CD200R1L: variants seen among roughly 807,000 people sequenced by gnomAD.
The protein encoded by CD200R1L is CD200 receptor 1 like.
In CD200R1L, 14 loss-of-function variants were observed where a neutral mutation model predicts 24.8. That is an observed-to-expected ratio of 0.56 (90% CI 0.37 to 0.88). CD200R1L has a LOEUF of 0.88. CD200R1L is among the 40% of genes least tolerant of loss of function. The probability of loss-of-function intolerance (pLI) is 0.00; values close to 1 mark genes in which losing one functional copy is unlikely to be tolerated. For synonymous variants in CD200R1L, 111 were observed against 109.2 expected, an observed-to-expected ratio of 1.02 and a Z score of -0.11; for missense variants, 299 against 297.8, an observed-to-expected ratio of 1.00 and a Z score of -0.03.
At chr3:112,843,523 C>T (rs1289134294) in intron 2 of CD200R1L, among the ~76,000 whole-genome samples, 7 of 152,222 alleles carry the variant, frequency 4.6e-5, no homozygotes, top group Non-Finnish European at 1.0e-4. Context: ...TAAGAGAATT[C>T]ATTGCCACTA....
At chr3:112,819,978 T>A (rs1376712297) in intron 6 of CD200R1L, 83 bp from the exon 7 acceptor site, 4 of 1,314,566 alleles carry the variant, frequency 3.0e-6, no homozygotes, top group African/African-American at 1.5e-5. Context: ...AAGAACATTT[T>A]AAAATATTCT....
At position 112,819,940 on chromosome 3, in the gene CD200R1L, T is replaced by C. The variant is rs749524235; in HGVS notation, c.617-45A>G. ...TGAAAAATCATTTCAAGCATTCTTC[T>C]AGTTACAAATTAGAGTCAATCATTT... On this transcript the variant is annotated intron_variant, in intron 6 of 7. Coordinates refer to ENST00000488794, the MANE Select transcript of CD200R1L (RefSeq NM_001199215.3). 19 of 1,516,554 alleles carry C rather than the reference T, an allele frequency of 1.3e-5. No homozygotes were observed. In the African/African-American group the frequency reaches 2.4e-4, roughly 19 times the overall value. The allele number at this position is 1,516,554 out of a possible 1,614,324, so 93.9% of individuals were successfully genotyped here.
chr3:112,819,064 G>T (rs950771520), intron 7 of CD200R1L, among the ~76,000 whole-genome samples: 1 of 152,226 alleles, frequency 6.6e-6, no homozygotes, highest in African/African-American at 2.4e-5. Context: ...TTACATGGCA[G>T]CAGACTGGAG....
intron 6 of CD200R1L, among the ~76,000 whole-genome samples, chr3:112,823,670 G>A (rs1576087467): frequency 6.6e-6 from 1 of 152,170 alleles, no homozygotes; most frequent in East Asian, 1.9e-4. Context: ...TGAGCACAGA[G>A]GAGGAATAGC....
intron 3 of CD200R1L, among the ~76,000 whole-genome samples, chr3:112,831,619 T>TA: frequency 6.6e-6 from 1 of 152,250 alleles, no homozygotes; most frequent in East Asian, 1.9e-4. Context: ...GGTGTTTTCA[T>TA]AAAAAGAGCA....
chr3:112,817,278 G>A (rs528966846), intron 7 of CD200R1L, among the ~76,000 whole-genome samples: 1 of 151,914 alleles, frequency 6.6e-6, no homozygotes, highest in African/African-American at 2.4e-5. Context: ...TTACAAAAAG[G>A]TAAGTGTTAA....
chr3:112,844,267 C>T (rs561779713), intron 2 of CD200R1L, among the ~76,000 whole-genome samples: 4 of 152,274 alleles, frequency 2.6e-5, no homozygotes, highest in African/African-American at 7.2e-5. Flanking sequence ...ACATATGGAA[C>T]GTGCTCTGAG....
At chr3:112,838,581 C>G (rs1939014380) in intron 2 of CD200R1L, among the ~76,000 whole-genome samples, 1 of 151,680 alleles carries the variant, frequency 6.6e-6, no homozygotes, top group Non-Finnish European at 1.5e-5. Context: ...TAACAGAAAG[C>G]CTTTTAAAAA....
chr3:112,833,408 A>G (rs1270120363), intron 3 of CD200R1L, among the ~76,000 whole-genome samples: 3 of 152,210 alleles, frequency 2.0e-5, no homozygotes, highest in Admixed American at 2.0e-4. Context: ...CTGGGGGTAA[A>G]TCTATGTCAT....
At chr3:112,818,038 G>T (rs1408977806) in intron 7 of CD200R1L, among the ~76,000 whole-genome samples, 1 of 152,200 alleles carries the variant, frequency 6.6e-6, no homozygotes, top group African/African-American at 2.4e-5. Flanking sequence ...GCACGGGAAA[G>T]ACCAGCCCTC....
chr3:112,837,559 T>C (rs1176360585), intron 3 of CD200R1L, among the ~76,000 whole-genome samples: 1 of 152,230 alleles, frequency 6.6e-6, no homozygotes, highest in Non-Finnish European at 1.5e-5. Flanking sequence ...CAATAATTTA[T>C]GCCTTCTGAA....
At chr3:112,822,819 T>G (rs1413208913) in intron 6 of CD200R1L, among the ~76,000 whole-genome samples, 1 of 152,214 alleles carries the variant, frequency 6.6e-6, no homozygotes, top group Non-Finnish European at 1.5e-5. Context: ...GCAGCCAAAA[T>G]TTTTGTTTAC....
intron 2 of CD200R1L, 62 bp downstream of exon 2, chr3:112,845,617 T>A (rs1939183207): frequency 7.8e-7 from 1 of 1,278,544 alleles, no homozygotes; most frequent in African/African-American, 1.5e-5. Context: ...ATCAAGAGTA[T>A]CCTCATAATC....
At chr3:112,824,626 G>A (rs778075188) in intron 6 of CD200R1L, among the ~76,000 whole-genome samples, 9 of 152,170 alleles carry the variant, frequency 5.9e-5, no homozygotes, top group Non-Finnish European at 1.3e-4. Context: ...TTAAGAAAAC[G>A]AAAAAGTTGA....
intron 3 of CD200R1L, among the ~76,000 whole-genome samples, chr3:112,835,220 G>A (rs1938908319): frequency 1.3e-5 from 2 of 152,200 alleles, no homozygotes; most frequent in Non-Finnish European, 2.9e-5. Context: ...ACAGCTCAGA[G>A]GAGACCCGAG....
intron 7 of CD200R1L, among the ~76,000 whole-genome samples, chr3:112,818,394 T>C (rs9859721): frequency 0.023 from 3,538 of 152,336 alleles, 150 homozygotes; most frequent in African/African-American, 0.08. Flanking sequence ...TTCAGAGTCA[T>C]CTTCAATGAC....
At chr3:112,840,516 C>G (rs1473762302) in intron 2 of CD200R1L, among the ~76,000 whole-genome samples, 1 of 152,200 alleles carries the variant, frequency 6.6e-6, no homozygotes, top group Non-Finnish European at 1.5e-5. Flanking sequence ...AATGTCACCT[C>G]CATGATCCAA....
At position 112,827,629 on chromosome 3, in the gene CD200R1L, A is replaced by G. The variant is rs1559922606; in HGVS notation, c.105T>C (p.Pro35=). 5 of 1,613,982 alleles carry G rather than the reference A, an allele frequency of 3.1e-6. No homozygotes were observed. The highest frequency in any genetic ancestry group is 3.4e-6 in the Non-Finnish European group (4 of 1,179,862). Residue 35 remains proline, a synonymous_variant, in exon 5 of 8, where the codon CCT becomes CCC. Coordinates refer to ENST00000488794, the MANE Select transcript of CD200R1L (RefSeq NM_001199215.3). The part of the protein sequence containing the change: ...MDINAVLCCP[P]IALRNLIIIT... ...TTATGATCAAATTTCTTAATGCGAT[A>G]GGAGGGCAACAAAGCACAGCATTTA...
At chr3:112,820,485 C>T (rs1938508318) in intron 6 of CD200R1L, among the ~76,000 whole-genome samples, 1 of 152,028 alleles carries the variant, frequency 6.6e-6, no homozygotes, top group East Asian at 1.9e-4. Flanking sequence ...GGCTCTAGTG[C>T]AGCGGCGCAA....
Sources: gnomAD v4.1 joint callset for allele counts (sites outside exome capture counted in the v4.1 genomes callset) on GRCh38, gnomAD v4.1.1 for gene constraint, MANE v1.5 for transcripts, NCBI Gene and HGNC (gene_info 2026-07-23, HGNC 2026-07-21) for gene names.